PDXDC1: variants seen among roughly 807,000 people sequenced by gnomAD.
PDXDC1 encodes pyridoxal dependent decarboxylase domain containing 1.
Under a neutral mutation model 100.1 loss-of-function variants are expected in PDXDC1, and 42 were observed. The ratio of observed to expected loss-of-function variants is 0.42; its 90% CI spans 0.33 to 0.54. PDXDC1 has a LOEUF of 0.54. Ranked by LOEUF, PDXDC1 falls within the 20% of genes least tolerant of loss-of-function variation. PDXDC1 has a pLI of 0.10. For missense variants in PDXDC1, 636 were observed against 979.2 expected, an observed-to-expected ratio of 0.65 and a Z score of 4.68; for synonymous variants, 260 against 371.7, an observed-to-expected ratio of 0.70 and a Z score of 3.46.
rs1417817115 is a variant in PDXDC1 at position 15,011,296 on chromosome 16, G to A, written c.727+1537G>A. On this transcript the variant is annotated intron_variant, in intron 8 of 22. Coordinates refer to ENST00000396410, the MANE Select transcript of PDXDC1 (RefSeq NM_015027.4). Reference sequence around the variant, plus strand: ...GTTTTTACAGATGCCTGAGTAATTCGAGGGAGAAAGGACCATCTTTTTCCA... The same window carrying A: ...GTTTTTACAGATGCCTGAGTAATTCAAGGGAGAAAGGACCATCTTTTTCCA... Among the ~76,000 whole-genome samples, 6 of 152,410 alleles carry A rather than the reference G, an allele frequency of 3.9e-5. No homozygotes were observed. In the South Asian group the frequency reaches 6.2e-4, roughly 16 times the overall value.
At chr16:15,043,662 A>G (rs1301356518) in intron 16 of PDXDC1, among the ~76,000 whole-genome samples, 1 of 152,074 alleles carries the variant, frequency 6.6e-6, no homozygotes, top group East Asian at 1.9e-4. Context: ...AATATTTGCT[A>G]ATTTAGGCCA....
intron 1 of PDXDC1, among the ~76,000 whole-genome samples, chr16:14,984,307 A>ACC (rs1968718873): frequency 1.1e-5 from 1 of 90,204 alleles, no homozygotes; most frequent in African/African-American, 4.2e-5. Flanking sequence ...CCATCCCTGC[A>ACC]CCCCCGCCTT....
At chr16:14,999,997 GC>G (rs1344280156) in intron 3 of PDXDC1, among the ~76,000 whole-genome samples, 1 of 152,288 alleles carries the variant, frequency 6.6e-6, no homozygotes, top group Non-Finnish European at 1.5e-5. Context: ...CCAATAACAC[GC>G]TGAGATACTA....
intron 16 of PDXDC1, among the ~76,000 whole-genome samples, chr16:15,074,271 A>C (rs1230357924): frequency 6.6e-6 from 1 of 152,186 alleles, no homozygotes; most frequent in African/African-American, 2.4e-5. Flanking sequence ...AATGGAAAAA[A>C]ATTCTGTTTT....
intron 1 of PDXDC1, among the ~76,000 whole-genome samples, chr16:14,984,967 T>G (rs1198162319): frequency 6.6e-6 from 1 of 152,062 alleles, no homozygotes; most frequent in African/African-American, 2.4e-5. Context: ...CTCTACCTCC[T>G]GGGTTCAAGC....
chr16:15,010,570 A>G (rs573667486), intron 8 of PDXDC1, among the ~76,000 whole-genome samples: 3 of 152,416 alleles, frequency 2.0e-5, no homozygotes, highest in Admixed American at 1.3e-4. Context: ...ACACTTAAAT[A>G]TCTACCTTAT....
At chr16:15,020,416 T>C (rs968256609) in intron 12 of PDXDC1, among the ~76,000 whole-genome samples, 3 of 152,242 alleles carry the variant, frequency 2.0e-5, no homozygotes, top group African/African-American at 7.2e-5. Flanking sequence ...GGTGGCCGGG[T>C]GCAGTGGCTC....
At chr16:15,071,760 T>TC in intron 16 of PDXDC1, among the ~76,000 whole-genome samples, 2 of 152,130 alleles carry the variant, frequency 1.3e-5, no homozygotes, top group Admixed American at 1.3e-4. Context: ...AGAGTGAGAC[T>TC]CCATCTCAAA....
intron 16 of PDXDC1, among the ~76,000 whole-genome samples, chr16:15,052,267 A>G (rs958624934): frequency 6.6e-6 from 1 of 152,212 alleles, no homozygotes; most frequent in African/African-American, 2.4e-5. Flanking sequence ...CGAAGTTTTA[A>G]TTTCAATACC....
intron 16 of PDXDC1, chr16:15,048,147 T>A (rs779304563): frequency 4.4e-6 from 6 of 1,349,690 alleles, no homozygotes; most frequent in Non-Finnish European, 6.3e-6. Flanking sequence ...TTAGTGAGGA[T>A]GGAAAAACTA....
chr16:15,135,656 G>T, intron 16 of PDXDC1: 1 of 1,592,996 alleles, frequency 6.3e-7, no homozygotes. Flanking sequence ...GACCTGTGTC[G>T]AAGCCACACA....
At chr16:15,133,321 C>A in intron 16 of PDXDC1, 1 of 1,539,256 alleles carries the variant, frequency 6.5e-7, no homozygotes. Flanking sequence ...GGGGATCGGC[C>A]TGCCGCAGCA....
At chr16:15,039,924 G>GT (rs759452443), downstream of PDXDC1, 8 of 1,036,758 alleles carry the variant, frequency 7.7e-6, no homozygotes, top group Non-Finnish European at 1.2e-5. Context: ...GACATTTGAT[G>GT]CCTTTTTTTT....
chr16:15,087,490 G>A (rs1374501188), intron 16 of PDXDC1, among the ~76,000 whole-genome samples: 2 of 152,200 alleles, frequency 1.3e-5, no homozygotes. Context: ...TATATGCGGA[G>A]AAGAAGCTGT....
At chr16:15,111,076 G>T (rs9746237) in intron 16 of PDXDC1, among the ~76,000 whole-genome samples, 3 of 148,798 alleles carry the variant, frequency 2.0e-5, no homozygotes, top group Admixed American at 1.3e-4. Context: ...TGCAGTGAGC[G>T]GAGATCACAC....
chr16:14,994,235 A>G, intron 1 of PDXDC1, among the ~76,000 whole-genome samples: 1 of 152,278 alleles, frequency 6.6e-6, no homozygotes, highest in Non-Finnish European at 1.5e-5. Context: ...CCTGAATGGT[A>G]TTGCCTAGGT....
In PDXDC1 at chr16:14,975,232, G is replaced by C; in HGVS notation, c.21+12G>C. ...CGTCCCTGGAGAAGGTCCGTGCCGG[G>C]AGGGGGCGATGGGGACGGTGCTGCG... is the stretch of plus-strand genomic sequence containing the variant. On this transcript the variant is annotated intron_variant, in intron 1 of 22. Coordinates refer to ENST00000396410, the MANE Select transcript of PDXDC1 (RefSeq NM_015027.4). 2.1e-6 allele frequency: 3 copies of C among 1,417,696 alleles called. No individual in the cohort carries two copies. Among genetic ancestry groups the C allele is most frequent in the Admixed American group, 3.3e-5 (1 of 29,950 alleles). The allele number at this position is 1,417,696 out of a possible 1,614,324, so 87.8% of individuals were successfully genotyped here. A position where few individuals can be genotyped will look rare whatever the true frequency, so the allele number is the denominator to read the frequency against.
chr16:15,047,119 T>C, intron 16 of PDXDC1: 1 of 350,834 alleles, frequency 2.9e-6, no homozygotes, highest in Non-Finnish European at 5.3e-6. Flanking sequence ...GCGGGAGGAA[T>C]GACTGCATGG....
At chr16:15,089,280 G>C (rs1196431308) in intron 16 of PDXDC1, among the ~76,000 whole-genome samples, 5 of 151,908 alleles carry the variant, frequency 3.3e-5, no homozygotes, top group Admixed American at 2.0e-4. Flanking sequence ...GACAGAGCAA[G>C]ACTCTGTTCT....
Sources: gnomAD v4.1 joint callset for allele counts (sites outside exome capture counted in the v4.1 genomes callset) on GRCh38, gnomAD v4.1.1 for gene constraint, MANE v1.5 for transcripts, NCBI Gene and HGNC (gene_info 2026-07-23, HGNC 2026-07-21) for gene names.